Variants in SCNN1B observed in about 807,000 individuals in gnomAD.
The protein encoded by SCNN1B is sodium channel epithelial 1 subunit beta.
SCNN1B carries 46 observed loss-of-function variants against 65.3 expected under a neutral mutation model. That is an observed-to-expected ratio of 0.70 (90% CI 0.56 to 0.90). SCNN1B has a LOEUF of 0.90. Among genes scored for constraint, SCNN1B ranks in the 40% least tolerant of loss-of-function variants. SCNN1B has a pLI of 0.00. For missense variants in SCNN1B, 751 were observed against 830.5 expected, an observed-to-expected ratio of 0.90 and a Z score of 1.18; for synonymous variants, 349 against 330.6, an observed-to-expected ratio of 1.06 and a Z score of -0.60.
chr16:23,369,473 C>G (rs1216817999), intron 5 of SCNN1B, among the ~76,000 whole-genome samples: 2 of 152,040 alleles, frequency 1.3e-5, no homozygotes, highest in East Asian at 1.9e-4. Context: ...GATGACGGAT[C>G]CCCCTCCCTC....
chr16:23,323,818 G>T (rs573576753), intron 1 of SCNN1B, among the ~76,000 whole-genome samples: 5 of 152,282 alleles, frequency 3.3e-5, no homozygotes, highest in Admixed American at 2.0e-4. Flanking sequence ...CTAAGCCTCA[G>T]GGAAGTGCAG....
intron 1 of SCNN1B, among the ~76,000 whole-genome samples, chr16:23,311,589 C>G (rs1277040548): frequency 6.6e-6 from 1 of 152,200 alleles, no homozygotes; most frequent in Non-Finnish European, 1.5e-5. Context: ...TACCCCTACC[C>G]CAGGAGGGAT....
intron 2 of SCNN1B, among the ~76,000 whole-genome samples, chr16:23,296,167 CCA>C (rs1960994344): frequency 6.6e-6 from 1 of 152,030 alleles, no homozygotes; most frequent in Non-Finnish European, 1.5e-5. Context: ...AGTAGAGGCC[CCA>C]CACTCAGTTC....
intron 1 of SCNN1B, among the ~76,000 whole-genome samples, chr16:23,339,178 C>T (rs143499232): frequency 1.1e-3 from 163 of 152,124 alleles, no homozygotes; most frequent in African/African-American, 3.7e-3. Flanking sequence ...TTTTTATATA[C>T]GTCCATGTTT....
intron 4 of SCNN1B, chr16:23,359,482 C>T (rs950920926): frequency 6.6e-6 from 1 of 152,266 alleles, no homozygotes; most frequent in South Asian, 2.1e-4. Context: ...GCTCTCTGAG[C>T]TCTTCCTCAC....
At chr16:23,346,200 C>CTTTTTTT (rs753802362) in intron 1 of SCNN1B, among the ~76,000 whole-genome samples, 794 of 77,972 alleles carry the variant, frequency 0.01, 109 homozygotes, top group African/African-American at 0.027. Context: ...TTTTCCTTTT[C>CTTTTTTT]TTTTTTTTTT....
At chr16:23,369,563 G>A (rs1264278526) in intron 5 of SCNN1B, among the ~76,000 whole-genome samples, 4 of 152,064 alleles carry the variant, frequency 2.6e-5, no homozygotes, top group African/African-American at 9.7e-5. Flanking sequence ...TGTGAGCCGG[G>A]CACAGGTGGG....
intron 4 of SCNN1B, among the ~76,000 whole-genome samples, chr16:23,356,901 C>A (rs1275289591): frequency 1.3e-5 from 2 of 152,174 alleles, no homozygotes; most frequent in African/African-American, 4.8e-5. Flanking sequence ...CTCCTAACAG[C>A]CTCCAGAGAG....
At chr16:23,294,304 C>T (rs768582816) in intron 2 of SCNN1B, among the ~76,000 whole-genome samples, 4 of 152,148 alleles carry the variant, frequency 2.6e-5, no homozygotes, top group East Asian at 1.9e-4. Flanking sequence ...GGCTGAGACA[C>T]GAGAATCACT....
At chr16:23,339,179 G>A (rs948765237) in intron 1 of SCNN1B, among the ~76,000 whole-genome samples, 4 of 151,926 alleles carry the variant, frequency 2.6e-5, no homozygotes, top group Admixed American at 6.6e-5. Context: ...TTTTATATAC[G>A]TCCATGTTTT....
intron 1 of SCNN1B, among the ~76,000 whole-genome samples, chr16:23,279,060 T>G: frequency 6.9e-6 from 1 of 145,596 alleles, no homozygotes; most frequent in African/African-American, 2.7e-5. Flanking sequence ...GGTCTGAAAA[T>G]TTTGTGTGTG....
At chr16:23,278,283 G>C (rs997140344) in exon 1 of SCNN1B, 1 of 152,214 alleles carries the variant, frequency 6.6e-6, no homozygotes, top group African/African-American at 2.4e-5. Context: ...AGTGGAAGAA[G>C]TCAGGTCCTC....
chr16:23,343,791 T>C (rs1431037528), intron 1 of SCNN1B, among the ~76,000 whole-genome samples: 2 of 152,162 alleles, frequency 1.3e-5, no homozygotes, highest in African/African-American at 4.8e-5. Flanking sequence ...AGCATGACAA[T>C]TGGTGTCTCT....
At chr16:23,370,505 T>C (rs962902058) in intron 5 of SCNN1B, among the ~76,000 whole-genome samples, 1 of 152,144 alleles carries the variant, frequency 6.6e-6, no homozygotes, top group African/African-American at 2.4e-5. Context: ...CAACTCCACG[T>C]AGCTCAGGAC....
chr16:23,315,512 C>T (rs554150757), intron 1 of SCNN1B, among the ~76,000 whole-genome samples: 2 of 152,276 alleles, frequency 1.3e-5, no homozygotes, highest in Non-Finnish European at 2.9e-5. Context: ...TACTATAGAA[C>T]AGGCATGGGA....
chr16:23,285,960 C>T (rs369827342), intron 2 of SCNN1B, among the ~76,000 whole-genome samples: 3 of 152,048 alleles, frequency 2.0e-5, no homozygotes, highest in Non-Finnish European at 1.5e-5. Flanking sequence ...GGCAACAGAG[C>T]GAGACACTGT....
At chr16:23,355,547 T>TTACG in intron 4 of SCNN1B, 58 bp downstream of exon 4, 1 of 1,570,558 alleles carries the variant, frequency 6.4e-7, no homozygotes, top group Non-Finnish European at 8.7e-7. Context: ...CAGTGGCATG[T>TTACG]TACGGTTGGG....
chr16:23,308,441 T>C (rs925927487), intron 1 of SCNN1B, among the ~76,000 whole-genome samples: 36 of 152,154 alleles, frequency 2.4e-4, no homozygotes, highest in African/African-American at 8.7e-4. Flanking sequence ...AAGGGTTGCT[T>C]GAGCTCAGGA....
upstream of SCNN1B, among the ~76,000 whole-genome samples, chr16:23,301,796 T>G (rs1961089343): frequency 6.6e-6 from 1 of 152,156 alleles, no homozygotes; most frequent in Middle Eastern, 3.4e-3. Flanking sequence ...GGTCTCCACC[T>G]TGGTGGAGGT....
Sources: gnomAD v4.1 joint callset for allele counts (sites outside exome capture counted in the v4.1 genomes callset) on GRCh38, gnomAD v4.1.1 for gene constraint, MANE v1.5 for transcripts, NCBI Gene and HGNC (gene_info 2026-07-23, HGNC 2026-07-21) for gene names.